The following NAGPA variants were observed in gnomAD, a reference collection of about 807,000 sequenced individuals.
NAGPA encodes the protein alpha-N-acetylglucosaminyl phosphodiesterase.
In NAGPA, 56 loss-of-function variants were observed where a neutral mutation model predicts 48.5. The ratio of observed to expected loss-of-function variants is 1.15; its 90% CI spans 0.93 to 1.44. The LOEUF (loss-of-function observed/expected upper bound fraction) is 1.44. NAGPA is among the 40% of genes most tolerant of loss of function. The pLI, the probability that NAGPA is intolerant of heterozygous loss-of-function variation, is 0.00. For synonymous variants in NAGPA, 399 were observed against 315.5 expected (o/e 1.26, Z -2.81); for missense variants, 888 against 735.0 (o/e 1.21, Z -2.41).
intron 4 of NAGPA, 99 bp downstream of exon 4, chr16:5,030,286 C>T: frequency 8.8e-7 from 1 of 1,137,972 alleles, no homozygotes; most frequent in South Asian, 1.3e-5. Flanking sequence ...TGTCAACATC[C>T]CAGAAAGCAG....
chr16:5,030,739 C>A, intron 3 of NAGPA: 2 of 561,788 alleles, frequency 3.6e-6, no homozygotes, highest in Non-Finnish European at 6.4e-6. Flanking sequence ...TTCCCCTGTT[C>A]TTAGAACAAA....
intron 9 of NAGPA, 83 bp from the exon 10 acceptor site, chr16:5,025,768 C>T: frequency 7.1e-7 from 1 of 1,410,048 alleles, no homozygotes; most frequent in Non-Finnish European, 9.8e-7. Context: ...TTCCCTCTAC[C>T]CGGCATAGAT....
chr16:5,030,519 C>T, intron 3 of NAGPA, 26 bp from the exon 4 acceptor site: 1 of 1,539,992 alleles, frequency 6.5e-7, no homozygotes, highest in South Asian at 1.2e-5. Flanking sequence ...CCTGGCTGAT[C>T]ACCGCCCCTT....
intron 2 of NAGPA, 93 bp from the exon 3 acceptor site, chr16:5,031,977 A>G (rs1234589510): frequency 6.4e-7 from 1 of 1,566,036 alleles, no homozygotes; most frequent in African/African-American, 1.4e-5. Context: ...CCTGGCTGCT[A>G]GATTCCCCCT....
intron 5 of NAGPA, chr16:5,028,569 C>A: frequency 1.8e-6 from 1 of 553,224 alleles, no homozygotes; most frequent in Middle Eastern, 5.1e-4. Flanking sequence ...CCGCTCCCTA[C>A]AATCCCTCCC....
rs1177639343 is a variant in NAGPA, at chr16:5,029,013, G to A, written c.792-5C>T. 5 of 1,612,652 alleles carry A rather than the reference G, an allele frequency of 3.1e-6. No individual in the cohort carries two copies. Among genetic ancestry groups the A allele is most frequent in the East Asian group, 4.5e-5 (2 of 44,880 alleles). Reference sequence around the variant, plus strand: ...GCCATTTCCCACAGGTTGATGCTGCGGCACAAAGCGGCGCTGCTCAGGCTC... The same window carrying A: ...GCCATTTCCCACAGGTTGATGCTGCAGCACAAAGCGGCGCTGCTCAGGCTC... On this transcript the variant is annotated splice_polypyrimidine_tract_variant and splice_region_variant and intron_variant, in intron 4 of 9. Coordinates refer to ENST00000312251, the MANE Select transcript of NAGPA (RefSeq NM_016256.4).
rs1475167796 is a variant in NAGPA, at chr16:5,033,703, G to T, written c.112C>A (p.Leu38Met). Reference sequence around the variant, plus strand: ...CGCGCGCGCGCGCGTGGATAGGGCAGTAGCAAGTCGTCGTCGCGGGAGGCC... The same window carrying T: ...CGCGCGCGCGCGCGTGGATAGGGCATTAGCAAGTCGTCGTCGCGGGAGGCC... The part of the protein sequence containing the change: ...SGASRDDDLL[L>M]PYPRARARLP... Residue 38 changes from leucine (L) to methionine (M), a missense_variant, in exon 2 of 10, where the codon CTG (leucine) becomes ATG (methionine). Transcript: ENST00000312251. The surrounding 1 kb of genome is among the most constrained non-coding windows in gnomAD (Gnocchi z 4.2). The T allele has an allele frequency of 5.0e-6, 8 of 1,602,330 alleles. No homozygotes were observed. The highest frequency in any genetic ancestry group is 5.9e-6 in the Non-Finnish European group (7 of 1,177,650).
chr16:5,033,417 C>T lies in NAGPA; in HGVS notation c.398G>A (p.Arg133His), dbSNP rs747294639. ...VEETARAADC[R>H]VAQNGGFFRM... ...GAAGAAGCCGCCGTTCTGGGCGACA[C>T]GGCAGTCGGCCGCCCGCGCCGTCTC... The change falls in exon 2 of 10, where the codon CGT becomes CAT. Residue 133 changes from arginine (R) to histidine (H), a missense_variant. By Grantham distance (29) the Arg-to-His change is conservative. Transcript: ENST00000312251. The surrounding 1 kb of genome is among the most constrained non-coding windows in gnomAD (Gnocchi z 4.2). The T allele has an allele frequency of 3.8e-6, 6 of 1,595,738 alleles. No individual in the cohort carries two copies. Among genetic ancestry groups the T allele is most frequent in the Non-Finnish European group, 5.1e-6 (6 of 1,178,904 alleles).
At chr16:5,025,769 C>G (rs527490465) in intron 9 of NAGPA, 84 bp from the exon 10 acceptor site, 1 of 1,395,866 alleles carries the variant, frequency 7.2e-7, no homozygotes, top group South Asian at 1.2e-5. Context: ...TCCCTCTACC[C>G]GGCATAGATA....
chr16:5,025,703 G>A lies in NAGPA; in HGVS notation c.1341-18C>T. ...AGGCGGTCCTGCAGACAGGAGAGAA[G>A]CCCCAAGTGGGGGACTGCTGGGTGG... On this transcript the variant is annotated intron_variant, in intron 9 of 9. Coordinates refer to ENST00000312251, the MANE Select transcript of NAGPA (RefSeq NM_016256.4). 1 of 1,580,814 alleles carries A rather than the reference G, an allele frequency of 6.3e-7. No homozygotes were observed. Among genetic ancestry groups the A allele is most frequent in the Non-Finnish European group, 8.6e-7 (1 of 1,163,626 alleles).
At chr16:5,032,020 A>G in intron 2 of NAGPA, 136 bp from the exon 3 acceptor site, 1 of 1,166,432 alleles carries the variant, frequency 8.6e-7, no homozygotes, top group Non-Finnish European at 1.2e-6. Context: ...GCCTGAGTGT[A>G]GCTGGGACAA....
chr16:5,026,036 C>G (rs534396691), intron 9 of NAGPA, among the ~76,000 whole-genome samples: 6 of 151,558 alleles, frequency 4.0e-5, no homozygotes, highest in Admixed American at 2.6e-4. Flanking sequence ...TCAAACGATT[C>G]CCCTGCCTTG....
intron 4 of NAGPA, 120 bp from the exon 5 acceptor site, chr16:5,029,128 C>T: frequency 6.5e-7 from 1 of 1,530,962 alleles, no homozygotes; most frequent in Non-Finnish European, 8.9e-7. Flanking sequence ...TAAGTGGCCC[C>T]CGCCCCCAAG....
Position 5,028,109 on chromosome 16 carries a change from C to G in NAGPA, c.997G>C (p.Asp333His), listed in dbSNP as rs1005093713. ...ACGCAGGTCCCGTGGCCGTGGCAGT[C>G]AGGCGGCTGGCAGCGGGGTTCGTGC... The part of the protein sequence containing the change: ...CVHEPRCQPP[D>H]CHGHGTCVDG... The change falls in exon 6 of 10, where the codon GAC becomes CAC. Residue 333 changes from aspartate (D) to histidine (H), a missense_variant. Transcript: ENST00000312251. 3.1e-6 allele frequency: 5 copies of G among 1,611,004 alleles called. No homozygotes were observed. The African/African-American group carries it at 6.7e-5, about 22-fold the overall frequency.
Position 5,028,840 on chromosome 16 carries a change from T to C in NAGPA, c.920+40A>G, listed in dbSNP as rs1995278. 1,613,231 of 1,613,374 alleles carry C rather than the reference T, an allele frequency of 1. 806,544 individuals carry two copies. Among genetic ancestry groups the C allele is most frequent in the South Asian group, 1 (91,067 of 91,068 alleles). ...TGAATGAGACAGGCTGGGGCAGACC[T>C]GGACTTCAGCCCTCACGAAGGCGGC... is the stretch of plus-strand genomic sequence containing the variant. On this transcript the variant is annotated intron_variant, in intron 5 of 9. Transcript: ENST00000312251.
In NAGPA at chr16:5,027,322, T is replaced by C; in HGVS notation, c.1232A>G (p.His411Arg). 1 of 1,614,098 alleles carries C rather than the reference T, an allele frequency of 6.2e-7. No individual in the cohort carries two copies. The highest frequency in any genetic ancestry group is 8.5e-7 in the Non-Finnish European group (1 of 1,180,020). ...GCCAGTCTTGGGGTCACAGGGACAA[T>C]GGTGCTCACACTTACAAGGCCTCTG... is the stretch of plus-strand genomic sequence containing the variant. ...GCQRPCKCEH[H>R]CPCDPKTGNC... is the part of the protein sequence containing the mutation. Residue 411 changes from histidine (H) to arginine (R), a missense_variant, in exon 8 of 10, where the codon CAT (histidine) becomes CGT (arginine). Physicochemically the swap from His to Arg is conservative, Grantham distance 29. Transcript: ENST00000312251.
chr16:5,026,037 C>G (rs1189928015), intron 9 of NAGPA, among the ~76,000 whole-genome samples: 2 of 151,732 alleles, frequency 1.3e-5, no homozygotes, highest in Non-Finnish European at 2.9e-5. Context: ...CAAACGATTC[C>G]CCTGCCTTGG....
In NAGPA at chr16:5,033,429, G is replaced by T. The variant is rs762958744; in HGVS notation, c.386C>A (p.Ala129Glu). ...RRATVEETAR[A>E]ADCRVAQNGG... ...GTTCTGGGCGACACGGCAGTCGGCC[G>T]CCCGCGCCGTCTCCTCCACGGTGGC... is the stretch of plus-strand genomic sequence containing the variant. The change falls in exon 2 of 10, where the codon GCG (alanine) becomes GAG (glutamate). Residue 129 changes from alanine (A) to glutamate (E), a missense_variant. Physicochemically the swap from Ala to Glu is moderately radical, Grantham distance 107. Transcript: ENST00000312251. This position sits in a 1 kb window ranked among gnomAD's most constrained non-coding sequence, Gnocchi z 4.2. 16 of 1,594,312 alleles carry T rather than the reference G, an allele frequency of 1.0e-5. No homozygotes were observed. Among genetic ancestry groups the T allele is most frequent in the Non-Finnish European group, 1.3e-5 (15 of 1,178,268 alleles).
chr16:5,028,303 G>A (rs1345186864), intron 5 of NAGPA, 118 bp from the exon 6 acceptor site: 5 of 1,525,846 alleles, frequency 3.3e-6, no homozygotes, highest in Non-Finnish European at 4.4e-6. Context: ...CTACCTACAA[G>A]ATGGCGTCTA....
Sources: allele counts gnomAD v4.1 joint callset (sites outside exome capture counted in the v4.1 genomes callset), GRCh38; gene constraint gnomAD v4.1.1; non-coding constraint Gnocchi (gnomAD v3.1); transcripts MANE v1.5; gene names NCBI Gene and HGNC (gene_info 2026-07-23, HGNC 2026-07-21).